The following TENM3 variants were observed in gnomAD, a reference collection of about 807,000 sequenced individuals.
The protein encoded by TENM3 is teneurin transmembrane protein 3.
TENM3 carries 63 observed loss-of-function variants against 255.1 expected under a neutral mutation model. The ratio of observed to expected loss-of-function variants is 0.25; its 90% CI spans 0.20 to 0.30. The LOEUF (loss-of-function observed/expected upper bound fraction) is 0.30. Ranked by LOEUF, TENM3 falls within the 10% of genes least tolerant of loss-of-function variation. The probability of loss-of-function intolerance (pLI) is 1.00; values close to 1 mark genes in which losing one functional copy is unlikely to be tolerated. For synonymous variants in TENM3, 1,306 were observed against 1,322.3 expected (o/e 0.99, Z 0.27); for missense variants, 2,929 against 3,461.1 (o/e 0.85, Z 3.86).
chr4:182,130,882 A>G, the TENM3 span, among the ~76,000 whole-genome samples: 1 of 152,180 alleles, frequency 6.6e-6, no homozygotes, highest in Non-Finnish European at 1.5e-5. Context: ...CTAACCCTCT[A>G]AAGTTTAAAT....
At chr4:181,633,104 C>A in the TENM3 span, among the ~76,000 whole-genome samples, 79 of 152,284 alleles carry the variant, frequency 5.2e-4, no homozygotes, top group Non-Finnish European at 9.0e-4. Flanking sequence ...GGAGCCCAAT[C>A]CACTTACACC....
At chr4:182,007,121 ATTTACTGAGGAGTG>A in the TENM3 span, among the ~76,000 whole-genome samples, 22 of 152,214 alleles carry the variant, frequency 1.4e-4, no homozygotes, top group African/African-American at 5.1e-4. Flanking sequence ...GTTCTTCTGC[ATTTACTGAGGAGTG>A]TTTACTTTCA....
the TENM3 span, among the ~76,000 whole-genome samples, chr4:181,795,237 T>A: frequency 6.6e-6 from 1 of 151,782 alleles, no homozygotes; most frequent in Non-Finnish European, 1.5e-5. Flanking sequence ...GTCTCACAGT[T>A]CTCCAGGCTG....
the TENM3 span, among the ~76,000 whole-genome samples, chr4:181,590,678 A>C: frequency 5.6e-3 from 859 of 152,340 alleles, 11 homozygotes; most frequent in African/African-American, 0.02. Flanking sequence ...TTCCCAACAG[A>C]TGAGAACATA....
chr4:181,980,537 A>G, the TENM3 span, among the ~76,000 whole-genome samples: 1 of 152,226 alleles, frequency 6.6e-6, no homozygotes, highest in South Asian at 2.1e-4. Flanking sequence ...CACAATCACA[A>G]TCAGAATGCT....
the TENM3 span, chr4:181,905,819 C>G: frequency 9.0e-5 from 36 of 400,998 alleles, no homozygotes; most frequent in Non-Finnish European, 1.5e-4. Context: ...CATCATCAGT[C>G]TATTCTTCCT....
the TENM3 span, among the ~76,000 whole-genome samples, chr4:181,739,263 G>A: frequency 1.2e-4 from 19 of 152,054 alleles, no homozygotes; most frequent in African/African-American, 4.6e-4. Flanking sequence ...AAATTTCAGC[G>A]ATTTCATAAA....
the TENM3 span, among the ~76,000 whole-genome samples, chr4:182,111,314 G>T: frequency 6.8e-6 from 1 of 146,872 alleles, no homozygotes; most frequent in Non-Finnish European, 1.5e-5. Context: ...CATACACTCT[G>T]TAGTACTCAG....
chr4:181,645,703 T>A, the TENM3 span, among the ~76,000 whole-genome samples: 3 of 152,194 alleles, frequency 2.0e-5, 1 homozygote, highest in South Asian at 6.2e-4. Flanking sequence ...GCTGGGCTAC[T>A]GACAAAAATA....
the TENM3 span, among the ~76,000 whole-genome samples, chr4:181,554,321 C>T: frequency 1.1e-4 from 16 of 152,184 alleles, no homozygotes; most frequent in African/African-American, 3.9e-4. Flanking sequence ...AAAACATTAA[C>T]AGAGTGAGTT....
chr4:182,465,157 A>C (rs1406454367), intron 3 of TENM3, among the ~76,000 whole-genome samples: 2 of 151,916 alleles, frequency 1.3e-5, no homozygotes, highest in Non-Finnish European at 2.9e-5. Context: ...TTTCTTAAGG[A>C]AAGAGTTTGA....
intron 1 of TENM3, among the ~76,000 whole-genome samples, chr4:182,300,962 A>G (rs190783524): frequency 6.6e-6 from 1 of 152,326 alleles, no homozygotes; most frequent in East Asian, 1.9e-4. Flanking sequence ...TATTTTTAAA[A>G]AAGTGTTTTA....
At chr4:181,922,780 T>C in the TENM3 span, among the ~76,000 whole-genome samples, 724 of 150,300 alleles carry the variant, frequency 4.8e-3, 4 homozygotes, top group African/African-American at 0.017. Context: ...CTGCTAGCTT[T>C]TGAATGTGTT....
At chr4:182,272,534 A>C (rs1055275111) in intron 1 of TENM3, among the ~76,000 whole-genome samples, 4 of 152,206 alleles carry the variant, frequency 2.6e-5, no homozygotes, top group African/African-American at 9.7e-5. Flanking sequence ...CATACATAAG[A>C]ACTCACAAAC....
Position 182,738,399 on chromosome 4 carries a change from A to G in TENM3, c.3236-2A>G, listed in dbSNP as rs1432403896. On this transcript the variant is annotated splice_acceptor_variant, in intron 17 of 27. Transcript: ENST00000511685. LOFTEE classifies it high-confidence loss of function. ...ATGAGCTGTGATTTGTTTGGATTCC[A>G]GTGTCAGTTGGATATGAGTATGAGT... is the stretch of plus-strand genomic sequence containing the variant. 6.3e-7 allele frequency: 1 copy of G among 1,598,536 alleles called. No individual in the cohort carries two copies. Among genetic ancestry groups the G allele is most frequent in the East Asian group, 2.3e-5 (1 of 44,210 alleles).
At chr4:182,112,962 A>T in the TENM3 span, among the ~76,000 whole-genome samples, 2 of 152,242 alleles carry the variant, frequency 1.3e-5, no homozygotes, top group Non-Finnish European at 2.9e-5. Flanking sequence ...TTTGTCTAAC[A>T]TCAGTATTTA....
the TENM3 span, among the ~76,000 whole-genome samples, chr4:181,643,192 C>T: frequency 2.0e-5 from 3 of 152,106 alleles, no homozygotes; most frequent in Non-Finnish European, 2.9e-5. Flanking sequence ...TTTCCTTGAG[C>T]AGTGGTTTGT....
intron 3 of TENM3, among the ~76,000 whole-genome samples, chr4:182,410,111 G>A (rs1174991553): frequency 1.3e-5 from 2 of 152,240 alleles, no homozygotes; most frequent in Admixed American, 6.5e-5. Flanking sequence ...ACAGGCATGG[G>A]CCACTGCACT....
At chr4:182,575,935 G>A (rs565428010) in intron 3 of TENM3, among the ~76,000 whole-genome samples, 8 of 152,170 alleles carry the variant, frequency 5.3e-5, no homozygotes, top group South Asian at 2.1e-4. Flanking sequence ...TTATTCATCC[G>A]GTTACAGAGT....
Sources: allele counts gnomAD v4.1 joint callset (sites outside exome capture counted in the v4.1 genomes callset), GRCh38; gene constraint gnomAD v4.1.1; transcripts MANE v1.5; gene names NCBI Gene and HGNC (gene_info 2026-07-23, HGNC 2026-07-21).